Variants in RASAL2 observed in about 807,000 individuals in gnomAD.
The protein encoded by RASAL2 is RAS protein activator like 2, also known as ras GTPase-activating protein nGAP.
Under a neutral mutation model 128.9 loss-of-function variants are expected in RASAL2, and 58 were observed. That is an observed-to-expected ratio of 0.45 (90% CI 0.36 to 0.56). The LOEUF is 0.56. Ranked by LOEUF, RASAL2 falls within the 20% of genes least tolerant of loss-of-function variation. The pLI is 0.00. For missense variants in RASAL2, 1,360 were observed against 1,601.6 expected (o/e 0.85, Z 2.57); for synonymous variants, 561 against 580.8 (o/e 0.97, Z 0.49).
intron 1 of RASAL2, among the ~76,000 whole-genome samples, chr1:178,131,099 T>C (rs1660096600): frequency 6.6e-6 from 1 of 151,010 alleles, no homozygotes; most frequent in South Asian, 2.1e-4. Context: ...AAAAAACATG[T>C]GTTATTGTTA....
chr1:178,143,588 G>A (rs1660610885), intron 1 of RASAL2, among the ~76,000 whole-genome samples: 2 of 152,060 alleles, frequency 1.3e-5, no homozygotes, highest in South Asian at 2.1e-4. Flanking sequence ...TTATGTAAAC[G>A]AATTATACCT....
chr1:178,210,053 C>G (rs564654847), intron 1 of RASAL2, among the ~76,000 whole-genome samples: 1 of 151,790 alleles, frequency 6.6e-6, no homozygotes, highest in East Asian at 1.9e-4. Flanking sequence ...AAATTTTCTC[C>G]CTGTGACTGT....
chr1:178,119,138 G>A (rs1412229526), intron 1 of RASAL2, among the ~76,000 whole-genome samples: 4 of 152,228 alleles, frequency 2.6e-5, no homozygotes, highest in African/African-American at 9.6e-5. Flanking sequence ...AAAGTGCTGG[G>A]ATTCCAGGCG....
chr1:178,349,899 C>T (rs966982839), intron 3 of RASAL2, among the ~76,000 whole-genome samples: 8 of 152,102 alleles, frequency 5.3e-5, no homozygotes, highest in African/African-American at 7.2e-5. Context: ...AAATGGAAGA[C>T]GCCTAATAAA....
chr1:178,121,946 G>A (rs1659733020), intron 1 of RASAL2, among the ~76,000 whole-genome samples: 2 of 151,458 alleles, frequency 1.3e-5, no homozygotes, highest in South Asian at 4.2e-4. Context: ...CCTCATTTTT[G>A]GCTTTAGTCT....
At chr1:178,213,464 C>T (rs1181514969) in intron 1 of RASAL2, among the ~76,000 whole-genome samples, 1 of 152,068 alleles carries the variant, frequency 6.6e-6, no homozygotes, top group Admixed American at 6.6e-5. Flanking sequence ...TTAATGGCAG[C>T]TTTATCATAG....
At chr1:178,349,278 A>AT (rs1483698560) in intron 3 of RASAL2, among the ~76,000 whole-genome samples, 72 of 148,076 alleles carry the variant, frequency 4.9e-4, no homozygotes, top group African/African-American at 1.3e-3. Flanking sequence ...AAAAAAAAAA[A>AT]GCCAGGCATG....
chr1:178,470,473 G>GTTAA (rs1490009780), intron 17 of RASAL2, among the ~76,000 whole-genome samples: 9 of 152,288 alleles, frequency 5.9e-5, no homozygotes, highest in African/African-American at 2.2e-4. Flanking sequence ...TGTAGCTTAG[G>GTTAA]GGCCATAGGG....
At chr1:178,454,319 G>A (rs918026840) in intron 11 of RASAL2, 128 bp from the exon 12 acceptor site, 7 of 667,374 alleles carry the variant, frequency 1.0e-5, no homozygotes, top group Non-Finnish European at 1.8e-5. Flanking sequence ...ATCACTTATA[G>A]ATAATAAACA....
At chr1:178,120,470 A>G (rs921988070) in intron 1 of RASAL2, among the ~76,000 whole-genome samples, 7 of 152,224 alleles carry the variant, frequency 4.6e-5, no homozygotes, top group African/African-American at 1.7e-4. Context: ...TGGTAAATAA[A>G]ATAATGATGG....
intron 7 of RASAL2, 43 bp downstream of exon 7, chr1:178,441,690 A>G: frequency 6.8e-7 from 1 of 1,476,946 alleles, no homozygotes; most frequent in Non-Finnish European, 9.4e-7. Context: ...TAACTTTGTA[A>G]GCAGTTAATT....
At chr1:178,462,904 C>A (rs1159311480) in intron 14 of RASAL2, among the ~76,000 whole-genome samples, 1 of 152,118 alleles carries the variant, frequency 6.6e-6, no homozygotes, top group Non-Finnish European at 1.5e-5. Flanking sequence ...TAAACCAGAT[C>A]TTTCTTCACA....
intron 3 of RASAL2, among the ~76,000 whole-genome samples, chr1:178,310,087 A>G (rs759409589): frequency 1.6e-4 from 24 of 152,148 alleles, no homozygotes; most frequent in Non-Finnish European, 3.1e-4. Flanking sequence ...CTCTGTTTTT[A>G]TTCCCAAGAC....
intron 1 of RASAL2, among the ~76,000 whole-genome samples, chr1:178,271,978 T>A (rs887959422): frequency 3.3e-5 from 5 of 152,182 alleles, no homozygotes; most frequent in Non-Finnish European, 7.3e-5. Context: ...CTAATACATT[T>A]CCCTTCACCA....
intron 5 of RASAL2, among the ~76,000 whole-genome samples, chr1:178,421,776 T>C (rs1675157865): frequency 6.6e-6 from 1 of 152,096 alleles, no homozygotes; most frequent in East Asian, 1.9e-4. Context: ...GATGAGGGAC[T>C]ACTGCTTTAT....
At chr1:178,205,135 T>C (rs936169776) in intron 1 of RASAL2, among the ~76,000 whole-genome samples, 11 of 152,096 alleles carry the variant, frequency 7.2e-5, no homozygotes, top group Non-Finnish European at 1.6e-4. Context: ...CTCCTGAGTA[T>C]CTGGGATTAT....
intron 3 of RASAL2, among the ~76,000 whole-genome samples, chr1:178,344,621 G>A (rs35215865): frequency 0.066 from 9,986 of 152,196 alleles, 412 homozygotes; most frequent in Middle Eastern, 0.12. Context: ...GTTGTTTCAC[G>A]CTCCCTAGTG....
intron 1 of RASAL2, among the ~76,000 whole-genome samples, chr1:178,243,620 T>A (rs1464056591): frequency 1.3e-4 from 18 of 142,740 alleles, no homozygotes; most frequent in East Asian, 4.2e-4. Flanking sequence ...AAAAAAAAAA[T>A]GACAACAACA....
At chr1:178,449,750 T>A (rs1677252959) in intron 9 of RASAL2, among the ~76,000 whole-genome samples, 1 of 152,148 alleles carries the variant, frequency 6.6e-6, no homozygotes, top group African/African-American at 2.4e-5. Context: ...TTTAAATATG[T>A]GATAATCAGG....
Sources: gnomAD v4.1 joint callset for allele counts (sites outside exome capture counted in the v4.1 genomes callset) on GRCh38, gnomAD v4.1.1 for gene constraint, MANE v1.5 for transcripts, NCBI Gene and HGNC (gene_info 2026-07-23, HGNC 2026-07-21) for gene names.